The following DMD variants were observed in gnomAD, a reference collection of about 807,000 sequenced individuals.
DMD encodes the protein mutant dystrophin.
DMD carries 63 observed loss-of-function variants against 330.1 expected under a neutral mutation model. That is an observed-to-expected ratio of 0.19 (90% CI 0.16 to 0.24). The LOEUF is 0.24. DMD is among the 10% of genes least tolerant of loss of function. The probability of loss-of-function intolerance (pLI) is 1.00; values close to 1 mark genes in which losing one functional copy is unlikely to be tolerated. For synonymous variants in DMD, 1,223 were observed against 959.8 expected (o/e 1.27, Z -5.07); for missense variants, 3,344 against 2,684.1 (o/e 1.25, Z -5.43).
chrX:32,332,413 A>ACTGTGTGT lies in DMD; in HGVS notation c.5922+9686_5922+9687insACACACAG, dbSNP rs1557283127. ...ATAAATGAGGAAAGCATGGATAAAA[A>ACTGTGTGT]GTGTGTGTGTGTGTGTGTGTGTGTG... On this transcript the variant is annotated intron_variant, in intron 41 of 78. Transcript: ENST00000357033. Among the ~76,000 whole-genome samples, 6 of 95,341 alleles carry ACTGTGTGT rather than the reference A, an allele frequency of 6.3e-5. No individual in the cohort carries two copies. In the East Asian group the frequency reaches 1.0e-3, roughly 16 times the overall value. The allele number at this position is 95,341 out of a possible 115,157, so 82.8% of individuals were successfully genotyped here. A position where few individuals can be genotyped will look rare whatever the true frequency, so the allele number is the denominator to read the frequency against.
chrX:32,051,712 A>C (rs1267151182), intron 44 of DMD, among the ~76,000 whole-genome samples: 1 of 111,403 alleles, frequency 9.0e-6, no homozygotes, highest in Non-Finnish European at 1.9e-5. Flanking sequence ...GCTTATTCAC[A>C]TAATCAAGGC....
chrX:32,385,992 T>G (rs1460887242), intron 33 of DMD, among the ~76,000 whole-genome samples: 1 of 110,259 alleles, frequency 9.1e-6, no homozygotes, highest in Non-Finnish European at 1.9e-5. Flanking sequence ...GAAACCCTTT[T>G]AGAGCTATCT....
chrX:32,264,142 C>T (rs773615168), intron 43 of DMD, among the ~76,000 whole-genome samples: 89 of 110,449 alleles, frequency 8.1e-4, no homozygotes, highest in African/African-American at 2.8e-3. Context: ...TGGTCACTCC[C>T]GTGCTGCTGT....
At chrX:31,286,975 G>A (rs1320751105) in intron 62 of DMD, among the ~76,000 whole-genome samples, 3 of 112,426 alleles carry the variant, frequency 2.7e-5, no homozygotes, top group African/African-American at 9.7e-5. Context: ...ATGTTGGCCA[G>A]GCTGGTCTAA....
chrX:31,690,035 A>G (rs1389060948), intron 52 of DMD, among the ~76,000 whole-genome samples: 2 of 112,004 alleles, frequency 1.8e-5, no homozygotes, highest in Non-Finnish European at 3.8e-5. Flanking sequence ...AACCTAGGCA[A>G]TACCATTCAG....
intron 41 of DMD, among the ~76,000 whole-genome samples, chrX:32,338,933 G>A (rs2097728161): frequency 8.9e-6 from 1 of 111,792 alleles, no homozygotes; most frequent in Non-Finnish European, 1.9e-5. Context: ...AATTTTCACT[G>A]AACGAGATAT....
At chrX:31,308,134 C>T (rs890259467) in intron 62 of DMD, among the ~76,000 whole-genome samples, 2 of 111,905 alleles carry the variant, frequency 1.8e-5, no homozygotes, top group African/African-American at 6.5e-5. Flanking sequence ...CCACTCACCT[C>T]CTGCTGTTCC....
intron 44 of DMD, among the ~76,000 whole-genome samples, chrX:31,980,942 G>A (rs1463491): frequency 0.38 from 41,942 of 110,713 alleles, 5,701 homozygotes; most frequent in South Asian, 0.51. Flanking sequence ...AGGGCATCCA[G>A]CAAATCTAAG....
In DMD at chrX:31,725,401, G is replaced by A. The variant is rs549554994; in HGVS notation, c.7660+4230C>T. Among the ~76,000 whole-genome samples, 6 of 110,449 alleles carry A rather than the reference G, an allele frequency of 5.4e-5. No homozygotes were observed. In the East Asian group the frequency reaches 8.5e-4, roughly 16 times the overall value. ...TCTCCTTTTGGGGTGGTGGTGGGGG[G>A]CGAAATAACTAAACAGCTACCAAAA... is the stretch of plus-strand genomic sequence containing the variant. On this transcript the variant is annotated intron_variant, in intron 52 of 78. Transcript: ENST00000357033.
At chrX:33,267,992 A>AT (rs2053076783) in intron 1 of DMD, among the ~76,000 whole-genome samples, 1 of 96,544 alleles carries the variant, frequency 1.0e-5, no homozygotes, top group African/African-American at 5.0e-5. Flanking sequence ...TGGCATTGGC[A>AT]ATTTTTTTTT....
chrX:33,153,463 A>G (rs1034083701), intron 1 of DMD, among the ~76,000 whole-genome samples: 1 of 112,917 alleles, frequency 8.9e-6, no homozygotes, highest in African/African-American at 3.2e-5. Flanking sequence ...CACAAGAGAC[A>G]TTAAACTATT....
intron 44 of DMD, among the ~76,000 whole-genome samples, chrX:32,101,272 C>A (rs1362373543): frequency 9.0e-6 from 1 of 111,515 alleles, no homozygotes; most frequent in African/African-American, 3.3e-5. Flanking sequence ...GTCAGACAGG[C>A]CAGAGTTCAA....
At chrX:31,268,215 T>G (rs906110053) in intron 62 of DMD, among the ~76,000 whole-genome samples, 2 of 111,837 alleles carry the variant, frequency 1.8e-5, no homozygotes, top group African/African-American at 6.5e-5. Flanking sequence ...CCTTTTCTGC[T>G]CAACATTTTT....
intron 54 of DMD, among the ~76,000 whole-genome samples, chrX:31,633,332 C>T (rs2079230231): frequency 9.0e-6 from 1 of 111,623 alleles, no homozygotes; most frequent in African/African-American, 3.2e-5. Flanking sequence ...ATATTTCATT[C>T]TCTGCCAATG....
At chrX:32,925,145 GTTTTTTTTT>G (rs777224221) in intron 2 of DMD, among the ~76,000 whole-genome samples, 7 of 48,531 alleles carry the variant, frequency 1.4e-4, no homozygotes, top group Admixed American at 1.1e-3. Flanking sequence ...AAAACTCTGG[GTTTTTTTTT>G]TTTTTTTTTT....
intron 27 of DMD, among the ~76,000 whole-genome samples, chrX:32,447,564 ATCTT>A (rs1352165239): frequency 1.8e-5 from 2 of 111,653 alleles, no homozygotes; most frequent in East Asian, 5.6e-4. Flanking sequence ...TCTGAATCGT[ATCTT>A]TCTTTAAATA....
At chrX:31,408,405 CTT>C (rs748906545) in intron 60 of DMD, among the ~76,000 whole-genome samples, 1 of 105,391 alleles carries the variant, frequency 9.5e-6, no homozygotes. Context: ...TTTCTTTAAA[CTT>C]TTTTTTTTTT....
intron 2 of DMD, among the ~76,000 whole-genome samples, chrX:32,856,244 G>A (rs1200816130): frequency 8.9e-6 from 1 of 111,807 alleles, no homozygotes; most frequent in Non-Finnish European, 1.9e-5. Context: ...GTGAAGAACT[G>A]TTTGAGGTTC....
intron 1 of DMD, among the ~76,000 whole-genome samples, chrX:33,251,375 C>G (rs1372958750): frequency 1.8e-5 from 2 of 111,546 alleles, no homozygotes; most frequent in African/African-American, 6.5e-5. Flanking sequence ...CAACAGAACT[C>G]CAATTCCATT....
Sources: gnomAD v4.1 joint callset for allele counts (sites outside exome capture counted in the v4.1 genomes callset) on GRCh38, gnomAD v4.1.1 for gene constraint, MANE v1.5 for transcripts, NCBI Gene and HGNC (gene_info 2026-07-23, HGNC 2026-07-21) for gene names.